The following C10orf67 variants were observed in gnomAD, a reference collection of about 807,000 sequenced individuals.
The protein encoded by C10orf67 is uncharacterized protein C10orf67, mitochondrial.
In C10orf67, 60 loss-of-function variants were observed where a neutral mutation model predicts 35.6. The ratio of observed to expected loss-of-function variants is 1.68; its 90% CI spans 1.37 to 2.09. C10orf67 has a LOEUF of 2.09. C10orf67 is among the 30% of genes most tolerant of loss of function. The pLI is 0.00. For synonymous variants in C10orf67, 167 were observed against 115.8 expected (o/e 1.44, Z -2.84); for missense variants, 474 against 330.2 (o/e 1.44, Z -3.38).
intron 13 of C10orf67, among the ~76,000 whole-genome samples, chr10:23,235,082 A>T (rs1842014104): frequency 6.6e-6 from 1 of 151,868 alleles, no homozygotes; most frequent in African/African-American, 2.4e-5. Context: ...TGATTTCAAG[A>T]TTTACTAGGA....
chr10:23,301,049 T>C (rs149644251), intron 5 of C10orf67, among the ~76,000 whole-genome samples: 2,476 of 152,330 alleles, frequency 0.016, 58 homozygotes, highest in African/African-American at 0.048. Flanking sequence ...TAATTTGCTT[T>C]AAGTCTGAGA....
intron 12 of C10orf67, among the ~76,000 whole-genome samples, chr10:23,246,401 A>T (rs1038243201): frequency 6.6e-6 from 1 of 152,234 alleles, no homozygotes; most frequent in Admixed American, 6.5e-5. Context: ...TAAAATTTTT[A>T]AAAAGTCAAT....
At chr10:23,308,112 G>A (rs143394964) in intron 4 of C10orf67, among the ~76,000 whole-genome samples, 6 of 152,146 alleles carry the variant, frequency 3.9e-5, no homozygotes, top group Non-Finnish European at 5.9e-5. Context: ...TCCTTTCTGC[G>A]TCCCCTTATT....
intron 8 of C10orf67, among the ~76,000 whole-genome samples, chr10:23,271,788 T>C (rs1488005580): frequency 6.6e-6 from 1 of 152,248 alleles, no homozygotes; most frequent in Non-Finnish European, 1.5e-5. Flanking sequence ...TATTATTACA[T>C]TGTAAGAGTT....
intron 10 of C10orf67, among the ~76,000 whole-genome samples, chr10:23,255,391 G>A (rs1375557401): frequency 2.6e-5 from 4 of 152,118 alleles, no homozygotes; most frequent in Admixed American, 6.5e-5. Flanking sequence ...CAAAGGGCTC[G>A]GAGGCATCTT....
intron 15 of C10orf67, among the ~76,000 whole-genome samples, chr10:23,221,913 C>T (rs1258920083): frequency 6.6e-6 from 1 of 152,126 alleles, no homozygotes; most frequent in African/African-American, 2.4e-5. Context: ...AAGAACATTA[C>T]ATGTCAAAGC....
At chr10:23,310,163 C>A (rs936800880) in intron 4 of C10orf67, among the ~76,000 whole-genome samples, 1 of 152,100 alleles carries the variant, frequency 6.6e-6, no homozygotes, top group Non-Finnish European at 1.5e-5. Flanking sequence ...AGGAAGACAC[C>A]ATGGCTTTAT....
intron 12 of C10orf67, among the ~76,000 whole-genome samples, chr10:23,242,655 T>C (rs1394560689): frequency 6.6e-6 from 1 of 152,164 alleles, no homozygotes; most frequent in Admixed American, 6.5e-5. Context: ...TCTAAGGTTC[T>C]AGAATACTTG....
At chr10:23,228,893 C>T (rs1165653370) in intron 13 of C10orf67, among the ~76,000 whole-genome samples, 1 of 152,104 alleles carries the variant, frequency 6.6e-6, no homozygotes, top group Admixed American at 6.5e-5. Context: ...GATACCATCT[C>T]ACACCAATTA....
At chr10:23,332,383 A>G (rs954400520) in intron 2 of C10orf67, among the ~76,000 whole-genome samples, 3 of 152,164 alleles carry the variant, frequency 2.0e-5, no homozygotes, top group Admixed American at 6.6e-5. Flanking sequence ...ATGCTCCTTT[A>G]CAATCAAAAA....
chr10:23,242,731 A>G (rs1354904058), intron 12 of C10orf67, among the ~76,000 whole-genome samples: 1 of 151,446 alleles, frequency 6.6e-6, no homozygotes, highest in East Asian at 1.9e-4. Flanking sequence ...TTTACAAAGG[A>G]GAAATTTCAA....
chr10:23,218,837 C>T (rs145229489), intron 15 of C10orf67, among the ~76,000 whole-genome samples: 2 of 152,276 alleles, frequency 1.3e-5, no homozygotes, highest in African/African-American at 4.8e-5. Flanking sequence ...ATAAAATGTG[C>T]ACTTGAATAT....
chr10:23,285,521 C>A (rs1843503525), intron 7 of C10orf67, among the ~76,000 whole-genome samples: 1 of 150,602 alleles, frequency 6.6e-6, no homozygotes, highest in Non-Finnish European at 1.5e-5. Flanking sequence ...GTTTTTTATC[C>A]CAATATATAT....
intron 13 of C10orf67, among the ~76,000 whole-genome samples, chr10:23,227,047 T>C (rs1173444243): frequency 6.6e-6 from 1 of 152,136 alleles, no homozygotes; most frequent in African/African-American, 2.4e-5. Context: ...CTGAAACTAT[T>C]CCAATCAATA....
chr10:23,272,767 A>G (rs534264830), intron 8 of C10orf67, among the ~76,000 whole-genome samples: 2 of 152,362 alleles, frequency 1.3e-5, no homozygotes, highest in South Asian at 4.1e-4. Flanking sequence ...TGTTTAATCT[A>G]TAAATCAATC....
intron 7 of C10orf67, among the ~76,000 whole-genome samples, 182 bp from the exon 8 acceptor site, chr10:23,282,260 A>G (rs1000579473): frequency 4.6e-5 from 7 of 152,218 alleles, no homozygotes; most frequent in African/African-American, 1.7e-4. Context: ...TATGCAAGCA[A>G]GTAAAATATA....
At chr10:23,287,753 G>T (rs895722423) in intron 7 of C10orf67, among the ~76,000 whole-genome samples, 8 of 151,920 alleles carry the variant, frequency 5.3e-5, no homozygotes, top group African/African-American at 1.9e-4. Flanking sequence ...GAATCTACAA[G>T]GAACTTAATC....
At chr10:23,323,351 C>A (rs193102439) in intron 2 of C10orf67, among the ~76,000 whole-genome samples, 9 of 152,246 alleles carry the variant, frequency 5.9e-5, no homozygotes, top group African/African-American at 1.7e-4. Flanking sequence ...TTCACTAGGG[C>A]TCCCACCTGT....
At chr10:23,222,154 A>G (rs1488203504) in intron 15 of C10orf67, among the ~76,000 whole-genome samples, 1 of 152,180 alleles carries the variant, frequency 6.6e-6, no homozygotes, top group Non-Finnish European at 1.5e-5. Flanking sequence ...GAGCGGAAAT[A>G]ACTCTACATT....
Sources: gnomAD v4.1 joint callset for allele counts (sites outside exome capture counted in the v4.1 genomes callset) on GRCh38, gnomAD v4.1.1 for gene constraint, MANE v1.5 for transcripts, NCBI Gene and HGNC (gene_info 2026-07-23, HGNC 2026-07-21) for gene names.